Variants in FAT3 observed in about 807,000 individuals in gnomAD.
The protein encoded by FAT3 is protocadherin Fat 3.
FAT3 carries 95 observed loss-of-function variants against 310.2 expected under a neutral mutation model. The ratio of observed to expected loss-of-function variants is 0.31; its 90% CI spans 0.26 to 0.36. The LOEUF (loss-of-function observed/expected upper bound fraction) is 0.36, where lower values mean the gene tolerates loss of function less well. Among genes scored for constraint, FAT3 ranks in the 10% least tolerant of loss-of-function variants. The pLI, the probability that FAT3 is intolerant of heterozygous loss-of-function variation, is 1.00. For missense variants in FAT3, 5,408 were observed against 5,715.6 expected, an observed-to-expected ratio of 0.95 and a Z score of 1.74; for synonymous variants, 2,314 against 2,192.9, an observed-to-expected ratio of 1.06 and a Z score of -1.54.
chr11:92,446,035 A>T (rs1471749418), intron 2 of FAT3, among the ~76,000 whole-genome samples: 1 of 152,202 alleles, frequency 6.6e-6, no homozygotes, highest in Non-Finnish European at 1.5e-5. Context: ...TGAATATATT[A>T]ATCAGCCTCC....
At chr11:92,322,140 G>A (rs1162009141) in intron 1 of FAT3, among the ~76,000 whole-genome samples, 1 of 152,162 alleles carries the variant, frequency 6.6e-6, no homozygotes, top group East Asian at 1.9e-4. Context: ...TGGAGATAGT[G>A]TGGGTTCAGG....
At chr11:92,438,827 G>T (rs1398703160) in intron 2 of FAT3, among the ~76,000 whole-genome samples, 1 of 152,142 alleles carries the variant, frequency 6.6e-6, no homozygotes, top group South Asian at 2.1e-4. Context: ...GGTAAAGTTT[G>T]GACTCCAAGT....
intron 13 of FAT3, among the ~76,000 whole-genome samples, chr11:92,821,042 T>C (rs762499957): frequency 1.3e-5 from 2 of 152,186 alleles, no homozygotes; most frequent in South Asian, 4.1e-4. Flanking sequence ...GGATGAGTGA[T>C]GGTGGAAAGC....
At chr11:92,497,037 AAT>A (rs1354400070) in intron 2 of FAT3, among the ~76,000 whole-genome samples, 2 of 151,964 alleles carry the variant, frequency 1.3e-5, no homozygotes, top group African/African-American at 4.8e-5. Context: ...GTGTATTTCG[AAT>A]GGAACCTGAC....
intron 3 of FAT3, among the ~76,000 whole-genome samples, chr11:92,576,455 C>T (rs1010833767): frequency 2.0e-5 from 3 of 152,030 alleles, no homozygotes; most frequent in Admixed American, 2.0e-4. Flanking sequence ...TGTTACGGAT[C>T]GTGTTCATTC....
chr11:92,456,361 C>T (rs550768797), intron 2 of FAT3, among the ~76,000 whole-genome samples: 1 of 152,192 alleles, frequency 6.6e-6, no homozygotes, highest in Non-Finnish European at 1.5e-5. Context: ...AATAAGTGAC[C>T]TATGATTCAT....
rs56378818 is a variant in FAT3 at position 92,340,111 on chromosome 11, C to CAAA, written c.-17-11964_-17-11962dup. On this transcript the variant is annotated intron_variant, in intron 1 of 27. Coordinates refer to ENST00000525166, the MANE Select transcript of FAT3 (RefSeq NM_001367949.2). ...TGGGCAACAGAGCAAGACTCCATCT[C>CAAA]AAAAAAAAAAAAAAAAAAAAAAAGC... Among the ~76,000 whole-genome samples, 152 of 48,976 alleles carry CAAA rather than the reference C, an allele frequency of 3.1e-3. 4 individuals carry two copies. The highest frequency in any genetic ancestry group is 9.0e-3 in the African/African-American group (116 of 12,852). 32.1% of individuals were successfully genotyped at this position (48,976 alleles called of 152,430 possible).
At chr11:92,838,265 T>C (rs943448842) in intron 17 of FAT3, among the ~76,000 whole-genome samples, 2 of 152,208 alleles carry the variant, frequency 1.3e-5, no homozygotes, top group Admixed American at 6.5e-5. Context: ...CAGAGATTGA[T>C]ACGCATTGTC....
chr11:92,823,228 T>C (rs1948016497), intron 13 of FAT3, among the ~76,000 whole-genome samples: 1 of 152,176 alleles, frequency 6.6e-6, no homozygotes, highest in South Asian at 2.1e-4. Context: ...CGTTGCATGA[T>C]CGTTGGGTAG....
intron 3 of FAT3, among the ~76,000 whole-genome samples, chr11:92,541,696 G>A (rs538808682): frequency 2.0e-5 from 3 of 152,224 alleles, no homozygotes; most frequent in Middle Eastern, 3.4e-3. Context: ...ACTTGGGCAT[G>A]GTTAACACAG....
At chr11:92,569,100 T>G (rs1955579670) in intron 3 of FAT3, among the ~76,000 whole-genome samples, 1 of 152,190 alleles carries the variant, frequency 6.6e-6, no homozygotes. Flanking sequence ...CCAAGCCCTC[T>G]GTTTGCAAGT....
intron 3 of FAT3, among the ~76,000 whole-genome samples, chr11:92,686,265 T>G (rs906283686): frequency 1.3e-5 from 2 of 150,922 alleles, no homozygotes; most frequent in African/African-American, 5.0e-5. Context: ...TGCTCTCAAA[T>G]AAACACATAA....
Position 92,761,303 on chromosome 11 carries a change from G to A in FAT3, c.3670-553G>A, listed in dbSNP as rs560530940. Among the ~76,000 whole-genome samples the A allele has an allele frequency of 6.6e-5, 10 of 152,242 alleles. No individual in the cohort carries two copies. In the East Asian group the frequency reaches 9.7e-4, roughly 15 times the overall value. On this transcript the variant is annotated intron_variant, in intron 4 of 27. Coordinates refer to ENST00000525166, the MANE Select transcript of FAT3 (RefSeq NM_001367949.2). ...AAAGCAAGCCTTCACAGCCTCTTTC[G>A]AAGGGCACTAATCCCATTCATGAGG...
chr11:92,686,135 A>G (rs751312718), intron 3 of FAT3, among the ~76,000 whole-genome samples: 2 of 152,186 alleles, frequency 1.3e-5, no homozygotes, highest in Non-Finnish European at 2.9e-5. Flanking sequence ...CTTATGAGAG[A>G]TGGTACTTCC....
chr11:92,546,343 A>G (rs1954618513), intron 3 of FAT3, among the ~76,000 whole-genome samples: 1 of 152,228 alleles, frequency 6.6e-6, no homozygotes, highest in Non-Finnish European at 1.5e-5. Flanking sequence ...TAAGGAAAAC[A>G]GTGTTTCATT....
At chr11:92,469,423 T>A (rs1430579568) in intron 2 of FAT3, among the ~76,000 whole-genome samples, 3 of 152,152 alleles carry the variant, frequency 2.0e-5, no homozygotes, top group Non-Finnish European at 4.4e-5. Context: ...CACAGCTACA[T>A]TAAGATATTA....
Position 92,524,892 on chromosome 11 carries a change from C to T in FAT3, c.3551C>T (p.Thr1184Ile). 2 of 1,613,890 alleles carry T rather than the reference C, an allele frequency of 1.2e-6. No homozygotes were observed. Among genetic ancestry groups the T allele is most frequent in the Non-Finnish European group, 1.7e-6 (2 of 1,179,822 alleles). The change falls in exon 3 of 28, where the codon ACA becomes ATA. Residue 1184 changes from threonine (T) to isoleucine (I), a missense_variant. Around this residue, in one of 5 missense-constraint regions of FAT3, gnomAD observed 4,588 missense variants for 4,809.8 expected, o/e 0.95. Transcript: ENST00000525166. The stretch of plus-strand genomic sequence containing the variant: ...GACTCCAGTTCCAATGAAAAACTGA[C>T]ATACAGGATTACAAGTGGAAATCCT... ...DPDSSSNEKL[T>I]YRITSGNPQN...
At chr11:92,625,511 C>A (rs370958947) in intron 3 of FAT3, among the ~76,000 whole-genome samples, 28 of 152,304 alleles carry the variant, frequency 1.8e-4, no homozygotes, top group African/African-American at 6.5e-4. Flanking sequence ...TAGAAGCTCT[C>A]CACAATCATA....
chr11:92,870,332 A>C (rs565495989), intron 22 of FAT3, among the ~76,000 whole-genome samples: 1 of 152,344 alleles, frequency 6.6e-6, no homozygotes, highest in South Asian at 2.1e-4. Context: ...TTTGATCAGC[A>C]TTATAACTCT....
Sources: allele counts gnomAD v4.1 joint callset (sites outside exome capture counted in the v4.1 genomes callset), GRCh38; gene constraint gnomAD v4.1.1; regional missense constraint gnomAD v4.1.1; transcripts MANE v1.5; gene names NCBI Gene and HGNC (gene_info 2026-07-23, HGNC 2026-07-21).